MECOM: variants seen among roughly 807,000 people sequenced by gnomAD.
The protein encoded by MECOM is histone-lysine N-methyltransferase MECOM.
MECOM carries 13 observed loss-of-function variants against 116.3 expected under a neutral mutation model. That is an observed-to-expected ratio of 0.11 (90% CI 0.07 to 0.18). The LOEUF is 0.18. Ranked by LOEUF, MECOM falls within the 10% of genes least tolerant of loss-of-function variation. MECOM has a pLI of 1.00. For synonymous variants in MECOM, 528 were observed against 535.2 expected, an observed-to-expected ratio of 0.99 and a Z score of 0.19; for missense variants, 1,299 against 1,509.0, an observed-to-expected ratio of 0.86 and a Z score of 2.31.
At chr3:169,213,352 A>G (rs992539662) in intron 2 of MECOM, among the ~76,000 whole-genome samples, 4 of 152,196 alleles carry the variant, frequency 2.6e-5, no homozygotes, top group Admixed American at 6.6e-5. Flanking sequence ...AAGCAACGAA[A>G]AAAGAAAGGA....
chr3:169,305,657 T>C (rs1405763405), intron 2 of MECOM, among the ~76,000 whole-genome samples: 1 of 152,176 alleles, frequency 6.6e-6, no homozygotes, highest in African/African-American at 2.4e-5. Context: ...TGCTGAAATA[T>C]ATGATTAGTG....
At chr3:169,360,319 C>CAAAAAAAAAAAAAAA in intron 2 of MECOM, among the ~76,000 whole-genome samples, 6 of 87,852 alleles carry the variant, frequency 6.8e-5, no homozygotes, top group South Asian at 8.4e-4. Context: ...AAAGTTACAC[C>CAAAAAAAAAAAAAAA]AAAAAAAAAA....
In MECOM at chr3:169,469,718, G is replaced by A. The variant is rs140400689; in HGVS notation, c.38-88194C>T. ...TTTTTCCAGAAAAGTCATTAATTTT[G>A]GAATTTAAGAAATATGAAATAGACA... On this transcript the variant is annotated intron_variant, in intron 1 of 16. Transcript: ENST00000651503. Among the ~76,000 whole-genome samples, 57 of 151,988 alleles carry A rather than the reference G, an allele frequency of 3.8e-4. 1 individual carries two copies. The East Asian group carries it at 9.6e-3, about 26-fold the overall frequency.
At chr3:169,342,156 T>C (rs887245402) in intron 2 of MECOM, among the ~76,000 whole-genome samples, 3 of 152,140 alleles carry the variant, frequency 2.0e-5, no homozygotes, top group African/African-American at 7.2e-5. Flanking sequence ...TTTCAGTACT[T>C]ATGCTGTCAT....
intron 1 of MECOM, among the ~76,000 whole-genome samples, chr3:169,472,497 G>GAAAA (rs1749466301): frequency 3.6e-5 from 3 of 84,236 alleles, no homozygotes; most frequent in African/African-American, 1.6e-4. Context: ...GGAAAGGAAA[G>GAAAA]GAAAGGAAAG....
rs796267703 is a variant in MECOM, at chr3:169,113,478, T to A, written c.2490-604A>T. ...TATTCAGAGAGAGAGAGAGAATATA[T>A]GCTCTTTGGATGCCACTGCTGATAA... On this transcript the variant is annotated intron_variant, in intron 8 of 16. Transcript: ENST00000651503. Among the ~76,000 whole-genome samples, 4 of 151,566 alleles carry A rather than the reference T, an allele frequency of 2.6e-5. No individual in the cohort carries two copies. The South Asian group carries it at 8.3e-4, about 31-fold the overall frequency.
rs192339206 is a variant in MECOM, at chr3:169,389,480, T to C, written c.38-7956A>G. The C allele has an allele frequency of 1.2e-4, 94 of 792,476 alleles. No individual in the cohort carries two copies. In the East Asian group the frequency reaches 0.011, roughly 90 times the overall value. The allele number at this position is 792,476 out of a possible 1,614,324, so 49.1% of individuals were successfully genotyped here. On this transcript the variant is annotated intron_variant, in intron 1 of 16. Transcript: ENST00000651503. ...ACTTATCACATATCAGATAGATAGT[T>C]TTTCTTTTATGTTTTAGCTATGTGC... is the stretch of plus-strand genomic sequence containing the variant.
intron 1 of MECOM, among the ~76,000 whole-genome samples, chr3:169,583,592 CA>C (rs1303628129): frequency 6.6e-6 from 1 of 152,062 alleles, no homozygotes; most frequent in Non-Finnish European, 1.5e-5. Flanking sequence ...TAAAAAAGCA[CA>C]AACTAAGGAT....
intron 2 of MECOM, among the ~76,000 whole-genome samples, chr3:169,339,957 T>C (rs1282185510): frequency 1.3e-5 from 2 of 152,148 alleles, no homozygotes; most frequent in Non-Finnish European, 2.9e-5. Context: ...GAATAGGATG[T>C]AAGAGGAAGA....
chr3:169,426,119 C>G (rs1477465605), intron 1 of MECOM, among the ~76,000 whole-genome samples: 1 of 151,488 alleles, frequency 6.6e-6, no homozygotes, highest in Non-Finnish European at 1.5e-5. Flanking sequence ...CAGCCATTAT[C>G]TAGTAAAAAT....
chr3:169,129,849 T>C (rs1734075876), intron 4 of MECOM, among the ~76,000 whole-genome samples: 2 of 152,278 alleles, frequency 1.3e-5, no homozygotes, highest in Admixed American at 6.5e-5. Flanking sequence ...AGTTTCCCTA[T>C]ATGTAAAATG....
chr3:169,462,952 C>T (rs1747704423), intron 1 of MECOM, among the ~76,000 whole-genome samples: 1 of 151,878 alleles, frequency 6.6e-6, no homozygotes, highest in Admixed American at 6.6e-5. Flanking sequence ...TTTTATTTAC[C>T]AAATAAGAAG....
At chr3:169,280,850 C>T (rs1711795989) in intron 2 of MECOM, among the ~76,000 whole-genome samples, 1 of 152,106 alleles carries the variant, frequency 6.6e-6, no homozygotes, top group African/African-American at 2.4e-5. Flanking sequence ...TGTGATGGCC[C>T]AGCAGAGAGA....
At chr3:169,128,303 C>T (rs894556781) in intron 4 of MECOM, among the ~76,000 whole-genome samples, 1 of 152,148 alleles carries the variant, frequency 6.6e-6, no homozygotes, top group African/African-American at 2.4e-5. Context: ...TTTGACTAAA[C>T]CTTTTCAGGT....
Position 169,083,810 on chromosome 3 carries a change from C to G in MECOM, c.*1099G>C. Reference sequence around the variant, plus strand: ...GACAACCAGCATAAAATATGGAGTACAGTTTTTAATCAGAAGAATCATGCT... The same window carrying G: ...GACAACCAGCATAAAATATGGAGTAGAGTTTTTAATCAGAAGAATCATGCT... On this transcript the variant is annotated 3_prime_UTR_variant, in exon 17 of 17. Transcript: ENST00000651503. 4.7e-6 allele frequency: 1 copy of G among 212,536 alleles called. No homozygotes were observed. Among genetic ancestry groups the G allele is most frequent in the Non-Finnish European group, 9.5e-6 (1 of 104,964 alleles). 13.2% of individuals were successfully genotyped at this position (212,536 alleles called of 1,614,324 possible). A position where few individuals can be genotyped will look rare whatever the true frequency, so the allele number is the denominator to read the frequency against.
rs140061550 is a variant in MECOM, at chr3:169,271,663, C to T, written c.375+109524G>A. 9.9e-3 allele frequency among the ~76,000 whole-genome samples: 1,499 copies of T among 152,020 alleles called. 22 individuals carry two copies. The highest frequency in any genetic ancestry group is 0.034 in the African/African-American group (1,401 of 41,462). ...TAGGAGAAATACCTAATGTAAATGACGAGTTGATGGGTGCAGGAAACCAAC... is the reference window on the plus strand; with the variant it reads ...TAGGAGAAATACCTAATGTAAATGATGAGTTGATGGGTGCAGGAAACCAAC... On this transcript the variant is annotated intron_variant, in intron 2 of 16. Transcript: ENST00000651503.
At chr3:169,128,197 A>G in intron 4 of MECOM, 137 bp from the exon 5 acceptor site, 2 of 740,500 alleles carry the variant, frequency 2.7e-6, no homozygotes, top group Non-Finnish European at 4.5e-6. Context: ...AATCTGGATT[A>G]GAAATATCAT....
At chr3:169,333,571 G>A (rs1468788738) in intron 2 of MECOM, among the ~76,000 whole-genome samples, 1 of 151,908 alleles carries the variant, frequency 6.6e-6, no homozygotes, top group Admixed American at 6.6e-5. Context: ...ATTATTTGCC[G>A]AATAAAAGTT....
chr3:169,565,141 A>G (rs993081991), intron 1 of MECOM, among the ~76,000 whole-genome samples: 1 of 152,182 alleles, frequency 6.6e-6, no homozygotes, highest in East Asian at 1.9e-4. Context: ...AAGGTTACAC[A>G]GTGGGGAGGG....
Sources: gnomAD v4.1 joint callset for allele counts (sites outside exome capture counted in the v4.1 genomes callset) on GRCh38, gnomAD v4.1.1 for gene constraint, MANE v1.5 for transcripts, NCBI Gene and HGNC (gene_info 2026-07-23, HGNC 2026-07-21) for gene names.